LZTS2: variants seen among roughly 807,000 people sequenced by gnomAD.
LZTS2 encodes leucine zipper tumor suppressor 2.
A neutral mutation model predicts 60.6 loss-of-function variants in LZTS2; 32 were observed. The ratio of observed to expected loss-of-function variants is 0.53; its 90% CI spans 0.40 to 0.71. LZTS2 has a LOEUF of 0.71. LZTS2 is among the 30% of genes least tolerant of loss of function. The pLI, the probability that LZTS2 is intolerant of heterozygous loss-of-function variation, is 0.00. For missense variants in LZTS2, 792 were observed against 901.9 expected, an observed-to-expected ratio of 0.88 and a Z score of 1.56; for synonymous variants, 360 against 393.1, an observed-to-expected ratio of 0.92 and a Z score of 1.00.
rs145270037 is a variant in LZTS2 at position 101,006,531 on chromosome 10, A to G, written c.1373A>G (p.Lys458Arg). Residue 458 changes from lysine (K) to arginine (R), a missense_variant, in exon 4 of 4, where the codon AAA (lysine) becomes AGA (arginine). By Grantham distance (26) the Lys-to-Arg change is conservative. Coordinates refer to ENST00000370220, the Ensembl canonical transcript of LZTS2. Reference sequence around the variant, plus strand: ...ATCTCCCTGCTGAAGCAGCAGCTGAAAGAGTCTCAGGCAGAGCTGGTGCAG... The same window carrying G: ...ATCTCCCTGCTGAAGCAGCAGCTGAGAGAGTCTCAGGCAGAGCTGGTGCAG... The G allele has an allele frequency of 1.8e-3, 2,950 of 1,611,506 alleles. 5 individuals are homozygous for G. Among genetic ancestry groups the G allele is most frequent in the Non-Finnish European group, 2.2e-3 (2,608 of 1,179,702 alleles).
At chr10:101,003,926 C>T in exon 2 of LZTS2, 1 of 1,611,694 alleles carries the variant, frequency 6.2e-7, no homozygotes, top group Non-Finnish European at 8.5e-7. Flanking sequence ...GTGGCCGGTC[C>T]TCCTCCAGCA....
upstream of LZTS2, chr10:100,998,978 G>A (rs1010397553): frequency 6.6e-6 from 1 of 152,460 alleles, no homozygotes; most frequent in African/African-American, 2.4e-5. Context: ...TTGTGTGCGA[G>A]AAGGTGAGAC....
chr10:101,000,551 G>A (rs1852013326), exon 1 of LZTS2: 3 of 152,396 alleles, frequency 2.0e-5, no homozygotes, highest in African/African-American at 7.2e-5. Flanking sequence ...TCCCCTTGTC[G>A]GCCTGACCCT....
At chr10:100,996,609 T>A (rs1851922337), upstream of LZTS2, 1 of 152,312 alleles carries the variant, frequency 6.6e-6, no homozygotes. Context: ...CCTGCTCACC[T>A]GGGCAGATAC....
chr10:100,997,759 A>G (rs1851945126), upstream of LZTS2, among the ~76,000 whole-genome samples: 1 of 152,200 alleles, frequency 6.6e-6, no homozygotes, highest in South Asian at 2.1e-4. Flanking sequence ...AATCCACCCT[A>G]GTCCGGGGCG....
At chr10:100,997,913 C>T (rs1242387404), upstream of LZTS2, among the ~76,000 whole-genome samples, 1 of 152,138 alleles carries the variant, frequency 6.6e-6, no homozygotes, top group African/African-American at 2.4e-5. Flanking sequence ...GGGGTTAACT[C>T]GGGCTCCTGG....
At chr10:101,003,145 A>T (rs1852083877) in intron 1 of LZTS2, 199 bp downstream of exon 2, 1 of 671,590 alleles carries the variant, frequency 1.5e-6, no homozygotes, top group South Asian at 2.1e-5. Flanking sequence ...TAGAACTGAC[A>T]TGAAGGTCAA....
chr10:101,007,222 G>A, exon 4 of LZTS2: 1 of 1,485,040 alleles, frequency 6.7e-7, no homozygotes, highest in Non-Finnish European at 8.9e-7. Context: ...AGCAGCTGCA[G>A]ATCCACTTAG....
rs112714688 is a variant in LZTS2, at chr10:101,004,764, T to C, written c.1068+598T>C. On this transcript the variant is annotated intron_variant, in intron 2 of 3. Transcript: ENST00000370220. ...GATATTTCTAGCTTCGTAGGATTAT[T>C]ATGAGGATTAAATAAGGCAAAAGGT... Among the ~76,000 whole-genome samples, 1,319 of 152,324 alleles carry C rather than the reference T, an allele frequency of 8.7e-3. 24 individuals are homozygous for C. Among genetic ancestry groups the C allele is most frequent in the African/African-American group, 0.029 (1,193 of 41,558 alleles).
chr10:101,007,085 G>A (rs778827032), exon 4 of LZTS2: 1 of 1,610,090 alleles, frequency 6.2e-7, no homozygotes, highest in Non-Finnish European at 8.5e-7. Context: ...CCTGGAGCTG[G>A]AGGCCCGGGA....
rs1172607036 is a variant in LZTS2, at chr10:101,002,966, T to C, written c.408+20T>C. On this transcript the variant is annotated intron_variant, in intron 1 of 3. Transcript: ENST00000370220. ...GAGAAGGTGAGGACCGGCTCTTCCT[T>C]GTGGGCCTGGGTAGAACGGGAGTCC... is the stretch of plus-strand genomic sequence containing the variant. The C allele has an allele frequency of 6.3e-7, 1 of 1,596,742 alleles. No individual in the cohort carries two copies. Among genetic ancestry groups the C allele is most frequent in the East Asian group, 2.2e-5 (1 of 44,688 alleles).
At chr10:101,003,078 C>G (rs1852082009) in intron 1 of LZTS2, 132 bp downstream of exon 2, 16 of 1,154,418 alleles carry the variant, frequency 1.4e-5, no homozygotes, top group South Asian at 3.3e-5. Flanking sequence ...AATCCCAGCT[C>G]TCTCTCATTC....
At chr10:101,002,770 C>G in exon 1 of LZTS2, 2 of 1,613,300 alleles carry the variant, frequency 1.2e-6, no homozygotes, top group East Asian at 4.5e-5. Context: ...CCCAGCTGTG[C>G]CCCCTAGGAA....
At chr10:101,002,614 A>G (rs1852064028) in exon 1 of LZTS2, 2 of 1,589,882 alleles carry the variant, frequency 1.3e-6, no homozygotes, top group South Asian at 1.1e-5. Flanking sequence ...AGCTCCAGTC[A>G]TGGGTAGTGT....
chr10:101,002,464 G>T, exon 1 of LZTS2: 1 of 1,439,068 alleles, frequency 6.9e-7, no homozygotes, highest in Non-Finnish European at 9.2e-7. Context: ...GTCTCAAGGT[G>T]GAGGGACTCT....
exon 1 of LZTS2, chr10:101,001,358 TATATC>T (rs762301911): frequency 2.6e-4 from 40 of 152,192 alleles, no homozygotes; most frequent in Non-Finnish European, 4.1e-4. Context: ...AATGAACTGA[TATATC>T]AAACATGCAT....
Position 101,005,551 on chromosome 10 carries a change from CA to C in LZTS2, c.1163del (p.Gln388ArgfsTer66). ...GGCACAGCGGGCACAGCGGGCCCAA[CA>C]GCTGCTGCAGCTGCAGGTGTTCCAG... On this transcript the variant is annotated frameshift_variant, in exon 3 of 4. Transcript: ENST00000370220. LOFTEE classifies it high-confidence loss of function. 1 of 1,609,270 alleles carries C rather than the reference CA, an allele frequency of 6.2e-7. No homozygotes were observed. Among genetic ancestry groups the C allele is most frequent in the Non-Finnish European group, 8.5e-7 (1 of 1,179,222 alleles).
exon 1 of LZTS2, chr10:101,002,209 G>A (rs868423818): frequency 8.6e-6 from 2 of 232,606 alleles, no homozygotes; most frequent in East Asian, 8.3e-5. Context: ...GCAGGATTGG[G>A]CTTGGGCCTG....
chr10:101,000,761 G>C (rs770247195), exon 1 of LZTS2: 1 of 152,310 alleles, frequency 6.6e-6, no homozygotes, highest in Non-Finnish European at 1.5e-5. Flanking sequence ...AGGGGAGGGG[G>C]TTCTCTATCT....
Sources: gnomAD v4.1 joint callset for allele counts (sites outside exome capture counted in the v4.1 genomes callset) on GRCh38, gnomAD v4.1.1 for gene constraint, MANE v1.5 for transcripts, NCBI Gene and HGNC (gene_info 2026-07-23, HGNC 2026-07-21) for gene names.